The following KHDRBS2 variants were observed in gnomAD, a reference collection of about 807,000 sequenced individuals.
KHDRBS2 encodes KH RNA binding domain containing, signal transduction associated 2, also known as KH domain-containing, RNA-binding, signal transduction-associated protein 2.
KHDRBS2 carries 26 observed loss-of-function variants against 44.3 expected under a neutral mutation model. That is an observed-to-expected ratio of 0.59 (90% CI 0.43 to 0.81). The LOEUF (loss-of-function observed/expected upper bound fraction) is 0.81, where lower values mean the gene tolerates loss of function less well. Ranked by LOEUF, KHDRBS2 falls within the 40% of genes least tolerant of loss-of-function variation. KHDRBS2 has a pLI of 0.00. For synonymous variants in KHDRBS2, 194 were observed against 151.1 expected, an observed-to-expected ratio of 1.28 and a Z score of -2.08; for missense variants, 476 against 433.1, an observed-to-expected ratio of 1.10 and a Z score of -0.88.
At position 62,119,482 on chromosome 6, in the gene KHDRBS2, G is replaced by A. The variant is rs377508386; in HGVS notation, c.219+57703C>T. Among the ~76,000 whole-genome samples, 17 of 152,198 alleles carry A rather than the reference G, an allele frequency of 1.1e-4. No individual in the cohort carries two copies. The East Asian group carries it at 1.2e-3, about 10-fold the overall frequency. ...TGTAGATAAAGGGCTGAAAATGTGG[G>A]AAATCAGACACAAGCTCTTATCATG... On this transcript the variant is annotated intron_variant, in intron 2 of 8. Coordinates refer to ENST00000281156, the MANE Select transcript of KHDRBS2 (RefSeq NM_152688.4).
the KHDRBS2 span, among the ~76,000 whole-genome samples, chr6:61,545,879 C>A: frequency 1.3e-5 from 2 of 152,002 alleles, no homozygotes; most frequent in Non-Finnish European, 2.9e-5. Flanking sequence ...GCCAGGTAAG[C>A]ACAGAGAAGG....
At chr6:61,860,247 T>C (rs572325007) in intron 6 of KHDRBS2, among the ~76,000 whole-genome samples, 3 of 152,076 alleles carry the variant, frequency 2.0e-5, no homozygotes, top group South Asian at 2.1e-4. Context: ...CAAGAAGAGA[T>C]AGACTCATGG....
chr6:62,153,677 T>C (rs531300908), intron 2 of KHDRBS2, among the ~76,000 whole-genome samples: 1 of 152,276 alleles, frequency 6.6e-6, no homozygotes, highest in African/African-American at 2.4e-5. Context: ...ACTTACATCA[T>C]GGTGAGTTGC....
At chr6:61,733,566 A>G (rs1328430520) in intron 6 of KHDRBS2, among the ~76,000 whole-genome samples, 1 of 151,954 alleles carries the variant, frequency 6.6e-6, no homozygotes, top group African/African-American at 2.4e-5. Flanking sequence ...ATTGCACTCC[A>G]GCCTGGGCAA....
rs115542248 is a variant in KHDRBS2 at position 61,962,042 on chromosome 6, G to A, written c.483+16024C>T. On this transcript the variant is annotated intron_variant, in intron 4 of 8. Coordinates refer to ENST00000281156, the MANE Select transcript of KHDRBS2 (RefSeq NM_152688.4). The stretch of plus-strand genomic sequence containing the variant: ...CCTGTGTTCCATGAAAAATACTCTA[G>A]GAAAGGTAATGCATGAATGAATTGA... 6.8e-3 allele frequency among the ~76,000 whole-genome samples: 1,033 copies of A among 152,020 alleles called. 5 individuals carry two copies. Among genetic ancestry groups the A allele is most frequent in the Non-Finnish European group, 9.8e-3 (665 of 67,968 alleles).
At chr6:61,684,133 G>A (rs213784) in intron 8 of KHDRBS2, among the ~76,000 whole-genome samples, 29,997 of 151,858 alleles carry the variant, frequency 0.2, 3,529 homozygotes, top group South Asian at 0.33. Context: ...GATAATGCAC[G>A]TCAGTTTTTC....
At chr6:61,785,023 T>G (rs1054805541) in intron 6 of KHDRBS2, among the ~76,000 whole-genome samples, 5 of 151,862 alleles carry the variant, frequency 3.3e-5, no homozygotes, top group Admixed American at 2.6e-4. Context: ...GTGGCGCATG[T>G]CTGTAGTCCC....
intron 1 of KHDRBS2, among the ~76,000 whole-genome samples, chr6:62,251,004 T>C (rs1836432914): frequency 6.6e-6 from 1 of 151,928 alleles, no homozygotes; most frequent in Non-Finnish European, 1.5e-5. Flanking sequence ...TACAATCTTA[T>C]TAAGATTGGT....
chr6:61,954,644 A>G (rs1404786002), intron 4 of KHDRBS2, among the ~76,000 whole-genome samples: 15 of 132,718 alleles, frequency 1.1e-4, no homozygotes, highest in Admixed American at 6.7e-4. Flanking sequence ...ACACATACAT[A>G]CTTATGTATA....
chr6:61,977,972 T>A, intron 4 of KHDRBS2, 94 bp downstream of exon 4: 2 of 1,052,346 alleles, frequency 1.9e-6, no homozygotes, highest in South Asian at 1.6e-5. Context: ...GTTTGCAATA[T>A]GAGTTTCCTT....
chr6:61,590,822 G>C, the KHDRBS2 span, among the ~76,000 whole-genome samples: 1 of 152,132 alleles, frequency 6.6e-6, no homozygotes, highest in Non-Finnish European at 1.5e-5. Flanking sequence ...GACTTTTGAT[G>C]ATTACATATC....
At chr6:61,811,402 C>T (rs768194161) in intron 6 of KHDRBS2, among the ~76,000 whole-genome samples, 6 of 152,086 alleles carry the variant, frequency 3.9e-5, no homozygotes, top group South Asian at 2.1e-4. Flanking sequence ...AATAGTGCTG[C>T]GATGAACATC....
intron 2 of KHDRBS2, among the ~76,000 whole-genome samples, chr6:62,124,586 T>TACACACACACACACACACAC (rs57845781): frequency 8.3e-5 from 12 of 145,006 alleles, no homozygotes; most frequent in African/African-American, 1.5e-4. Context: ...TGAACTATAC[T>TACACACACACACACACACAC]ACACACACAC....
intron 2 of KHDRBS2, among the ~76,000 whole-genome samples, chr6:62,107,628 A>G (rs1364852437): frequency 1.3e-5 from 2 of 152,240 alleles, no homozygotes; most frequent in African/African-American, 4.8e-5. Context: ...AAGAGCCCGC[A>G]TCGCCAAGTC....
intron 2 of KHDRBS2, among the ~76,000 whole-genome samples, chr6:62,075,689 T>A (rs753230484): frequency 6.6e-6 from 1 of 151,946 alleles, no homozygotes; most frequent in Non-Finnish European, 1.5e-5. Flanking sequence ...TTTTGATAGA[T>A]GAGTAACTCT....
chr6:61,809,185 T>C (rs989446622), intron 6 of KHDRBS2, among the ~76,000 whole-genome samples: 1 of 152,142 alleles, frequency 6.6e-6, no homozygotes, highest in Non-Finnish European at 1.5e-5. Context: ...ACCAGTCTAA[T>C]GTTTTGTAGT....
At chr6:61,986,759 A>G (rs1775124639) in intron 3 of KHDRBS2, among the ~76,000 whole-genome samples, 1 of 152,064 alleles carries the variant, frequency 6.6e-6, no homozygotes, top group Non-Finnish European at 1.5e-5. Flanking sequence ...TTATTTTTGT[A>G]TCCTCCCACA....
At chr6:62,008,100 A>G (rs1779598577) in intron 3 of KHDRBS2, among the ~76,000 whole-genome samples, 1 of 152,194 alleles carries the variant, frequency 6.6e-6, no homozygotes, top group Non-Finnish European at 1.5e-5. Flanking sequence ...TGATTAAAAC[A>G]CCACACAATT....
the KHDRBS2 span, among the ~76,000 whole-genome samples, chr6:61,669,305 T>A: frequency 1.3e-5 from 2 of 151,100 alleles, no homozygotes; most frequent in African/African-American, 4.8e-5. Context: ...AAACAATTGT[T>A]AGTCTCACTT....
Sources: gnomAD v4.1 joint callset for allele counts (sites outside exome capture counted in the v4.1 genomes callset) on GRCh38, gnomAD v4.1.1 for gene constraint, MANE v1.5 for transcripts, NCBI Gene and HGNC (gene_info 2026-07-23, HGNC 2026-07-21) for gene names.